Variants in DECR2 observed in about 807,000 individuals in gnomAD.
The protein encoded by DECR2 is 2,4-dienoyl-CoA reductase 2.
Under a neutral mutation model 29.2 loss-of-function variants are expected in DECR2, and 34 were observed. The ratio of observed to expected loss-of-function variants is 1.16; its 90% CI spans 0.89 to 1.55. The LOEUF (loss-of-function observed/expected upper bound fraction) is 1.55. Ranked by LOEUF, DECR2 falls within the 40% of genes most tolerant of loss-of-function variation. DECR2 has a pLI of 0.00. For missense variants in DECR2, 485 were observed against 425.3 expected, an observed-to-expected ratio of 1.14 and a Z score of -1.23; for synonymous variants, 224 against 182.7, an observed-to-expected ratio of 1.23 and a Z score of -1.82.
In DECR2 at chr16:410,541, C is replaced by T; in HGVS notation, c.463-150C>T. The T allele has an allele frequency of 2.1e-6, 3 of 1,462,152 alleles. No homozygotes were observed. The highest frequency in any genetic ancestry group is 1.2e-5 in the South Asian group (1 of 80,720). The allele number at this position is 1,462,152 out of a possible 1,614,324, so 90.6% of individuals were successfully genotyped here. Reference sequence around the variant, plus strand: ...CGCCCGCTCCCTGCCCTGGGCCTCCCCATGACGGCCGCCCGCTCCCTGCCC... The same window carrying T: ...CGCCCGCTCCCTGCCCTGGGCCTCCTCATGACGGCCGCCCGCTCCCTGCCC... On this transcript the variant is annotated intron_variant, in intron 5 of 8. Coordinates refer to ENST00000219481, the MANE Select transcript of DECR2 (RefSeq NM_020664.4). The surrounding 1 kb of genome is among the most constrained non-coding windows in gnomAD (Gnocchi z 4.1).
intron 1 of DECR2, among the ~76,000 whole-genome samples, chr16:402,346 C>T (rs1025396915): frequency 2.0e-5 from 3 of 151,904 alleles, no homozygotes; most frequent in African/African-American, 4.8e-5. Flanking sequence ...GTTGGTCAGG[C>T]TCTTTTCGAA....
At chr16:409,142 ATTTTT>A (rs2054779381) in intron 4 of DECR2, among the ~76,000 whole-genome samples, 1 of 123,988 alleles carries the variant, frequency 8.1e-6, no homozygotes, top group African/African-American at 3.1e-5. Flanking sequence ...CCCAGCTTTT[ATTTTT>A]ATTTCTTTAT....
Position 410,774 on chromosome 16 carries a change from G to A in DECR2, c.546G>A (p.Lys182=). 2 of 1,596,716 alleles carry A rather than the reference G, an allele frequency of 1.3e-6. No homozygotes were observed. The highest frequency in any genetic ancestry group is 8.5e-7 in the Non-Finnish European group (1 of 1,173,368). Residue 182 remains lysine (K), a synonymous_variant, in exon 6 of 9, where the codon AAG becomes AAA. Transcript: ENST00000219481. The surrounding 1 kb of genome is among the most constrained non-coding windows in gnomAD (Gnocchi z 4.1). ...TCCAGGTGCATGCAGGCTCCGCCAA[G>A]GCCGCTGTGGGTATGACCACCCCCC... ...QALQVHAGSA[K]AAVDAMTRHL...
At chr16:405,058 G>C in intron 2 of DECR2, 34 bp downstream of exon 2, 1 of 1,612,476 alleles carries the variant, frequency 6.2e-7, no homozygotes, top group East Asian at 2.2e-5. Context: ...CCTGCTCCTC[G>C]CTTCTCCCTG....
At position 412,008 on chromosome 16, in the gene DECR2, C is replaced by T. The variant is rs2141819395; in HGVS notation, c.*119C>T. On this transcript the variant is annotated 3_prime_UTR_variant, in exon 9 of 9. Coordinates refer to ENST00000219481, the MANE Select transcript of DECR2 (RefSeq NM_020664.4). Reference sequence around the variant, plus strand: ...AACACTCAGCTATTACTGCGCTTTCCCTCCCCACGGCCCCAACTCCAGGGC... The same window carrying T: ...AACACTCAGCTATTACTGCGCTTTCTCTCCCCACGGCCCCAACTCCAGGGC... 1 of 165,324 alleles carries T rather than the reference C, an allele frequency of 6.0e-6. No individual in the cohort carries two copies. Among genetic ancestry groups the T allele is most frequent in the African/African-American group, 2.4e-5 (1 of 41,990 alleles). 10.2% of individuals were successfully genotyped at this position (165,324 alleles called of 1,614,324 possible).
Position 410,745 on chromosome 16 carries a change from G to GC in DECR2, c.518dup (p.Leu174AlafsTer118). 6.2e-7 allele frequency: 1 copy of GC among 1,607,200 alleles called. No individual in the cohort carries two copies. Among genetic ancestry groups the GC allele is most frequent in the South Asian group, 1.1e-5 (1 of 90,038 alleles). ...TGCCACCCTGGGGAACCGGGGGCAG[G>GC]CGCTCCAGGTGCATGCAGGCTCCGC... On this transcript the variant is annotated frameshift_variant, in exon 6 of 9. Transcript: ENST00000219481. LOFTEE classifies it high-confidence loss of function. This position sits in a 1 kb window ranked among gnomAD's most constrained non-coding sequence, Gnocchi z 4.1.
chr16:406,047 C>G (rs974696841), intron 2 of DECR2, among the ~76,000 whole-genome samples: 1 of 152,208 alleles, frequency 6.6e-6, no homozygotes, highest in African/African-American at 2.4e-5. Context: ...GCCCAGCAGG[C>G]CCCAGGCAGA....
At chr16:411,605 G>T in intron 8 of DECR2, 27 bp downstream of exon 8, 2 of 1,588,476 alleles carry the variant, frequency 1.3e-6, no homozygotes, top group South Asian at 2.3e-5. Context: ...GCTTCTTGGG[G>T]TCATCTGTGT....
chr16:407,449 A>G lies in DECR2; in HGVS notation c.226A>G (p.Thr76Ala). 1.2e-6 allele frequency: 2 copies of G among 1,610,592 alleles called. No individual in the cohort carries two copies. The highest frequency in any genetic ancestry group is 1.7e-6 in the Non-Finnish European group (2 of 1,178,974). Residue 76 changes from threonine (T) to alanine (A), a missense_variant, in exon 4 of 9, where the codon ACC becomes GCC. Coordinates refer to ENST00000219481, the MANE Select transcript of DECR2 (RefSeq NM_020664.4). ...LTAARKLAGA[T>A]GRRCLPLSMD... ...GGCCGCCAGGAAGCTGGCTGGGGCC[A>G]CCGGCCGGCGCTGCCTCCCTCTCTC...
chr16:409,901 G>A (rs2054790108), intron 4 of DECR2: 2 of 278,204 alleles, frequency 7.2e-6, no homozygotes, highest in African/African-American at 2.2e-5. Context: ...CTCTTCCCTT[G>A]TTATAAGGAT....
chr16:402,721 C>T (rs898067525), intron 1 of DECR2, among the ~76,000 whole-genome samples: 2 of 151,874 alleles, frequency 1.3e-5, no homozygotes, highest in East Asian at 3.9e-4. Context: ...CAGTGGCTCA[C>T]GCCTGTAATC....
chr16:411,315 C>G (rs2054816228), intron 7 of DECR2, 46 bp from the exon 8 acceptor site: 1 of 1,556,576 alleles, frequency 6.4e-7, no homozygotes, highest in African/African-American at 1.3e-5. Context: ...GGGGAGGGTG[C>G]TGGGTCTTGG....
chr16:409,811 A>T (rs2054788638), intron 4 of DECR2: 1 of 165,408 alleles, frequency 6.0e-6, no homozygotes, highest in African/African-American at 2.4e-5. Flanking sequence ...GGGTACTGCC[A>T]TAGCCCTTGG....
chr16:407,204 G>A, intron 3 of DECR2: 1 of 1,368,022 alleles, frequency 7.3e-7, no homozygotes, highest in Non-Finnish European at 9.4e-7. Context: ...GCAGAGGGAG[G>A]ATTCTAGGAC....
Position 410,542 on chromosome 16 carries a change from C to CTTG in DECR2, c.463-149_463-148insTTG. 1.4e-6 allele frequency: 2 copies of CTTG among 1,470,276 alleles called. No individual in the cohort carries two copies. Among genetic ancestry groups the CTTG allele is most frequent in the Non-Finnish European group, 1.8e-6 (2 of 1,083,800 alleles). 91.1% of individuals were successfully genotyped at this position (1,470,276 alleles called of 1,614,324 possible). On this transcript the variant is annotated intron_variant, in intron 5 of 8. Transcript: ENST00000219481. The surrounding 1 kb of genome is among the most constrained non-coding windows in gnomAD (Gnocchi z 4.1). ...GCCCGCTCCCTGCCCTGGGCCTCCC[C>CTTG]ATGACGGCCGCCCGCTCCCTGCCCT...
chr16:407,681 T>C (rs2141810177), intron 4 of DECR2, 121 bp downstream of exon 4: 2 of 1,479,706 alleles, frequency 1.4e-6, no homozygotes, highest in Non-Finnish European at 9.1e-7. Flanking sequence ...TGTGCTGGGG[T>C]GGGCTGCACC....
intron 8 of DECR2, 135 bp from the exon 9 acceptor site, chr16:411,755 G>A (rs1377026850): frequency 2.8e-5 from 18 of 651,734 alleles, no homozygotes; most frequent in African/African-American, 1.1e-4. Context: ...GGAGGCGGGC[G>A]CTGGTGTACT....
rs537879607 is a variant in DECR2, at chr16:405,880, T to C, written c.150-466T>C. Among the ~76,000 whole-genome samples, 7 of 152,334 alleles carry C rather than the reference T, an allele frequency of 4.6e-5. No homozygotes were observed. The East Asian group carries it at 1.4e-3, about 29-fold the overall frequency. On this transcript the variant is annotated intron_variant, in intron 2 of 8. Coordinates refer to ENST00000219481, the MANE Select transcript of DECR2 (RefSeq NM_020664.4). ...TGTGCTCTTTCGCAAGAACAGTAGA[T>C]AAGCTGGAAATCCTAGCGGCATTCC...
chr16:403,886 T>A (rs2054694824), intron 1 of DECR2, among the ~76,000 whole-genome samples: 1 of 151,980 alleles, frequency 6.6e-6, no homozygotes, highest in Non-Finnish European at 1.5e-5. Flanking sequence ...TCAAAATAAA[T>A]AAATAGGCCC....
Sources: allele counts gnomAD v4.1 joint callset (sites outside exome capture counted in the v4.1 genomes callset), GRCh38; gene constraint gnomAD v4.1.1; non-coding constraint Gnocchi (gnomAD v3.1); transcripts MANE v1.5; gene names NCBI Gene and HGNC (gene_info 2026-07-23, HGNC 2026-07-21).